Variants in SUPT3H observed in about 807,000 individuals in gnomAD.
SUPT3H encodes the protein transcription initiation protein SPT3 homolog.
In SUPT3H, 44 loss-of-function variants were observed where a neutral mutation model predicts 44.3. The observed-to-expected ratio is 0.99, with a 90% CI of 0.78 to 1.28. SUPT3H has a LOEUF of 1.28. Ranked by LOEUF, SUPT3H falls within the 50% of genes most tolerant of loss-of-function variation. The probability of loss-of-function intolerance (pLI) is 0.00; values close to 1 mark genes in which losing one functional copy is unlikely to be tolerated. For synonymous variants in SUPT3H, 124 were observed against 125.6 expected, an observed-to-expected ratio of 0.99 and a Z score of 0.09; for missense variants, 380 against 387.1, an observed-to-expected ratio of 0.98 and a Z score of 0.15.
intron 3 of SUPT3H, among the ~76,000 whole-genome samples, chr6:45,029,502 C>T (rs928239377): frequency 5.3e-5 from 8 of 151,766 alleles, no homozygotes; most frequent in Non-Finnish European, 1.0e-4. Flanking sequence ...AAGATAGCAG[C>T]CTTAACATGG....
intron 8 of SUPT3H, among the ~76,000 whole-genome samples, chr6:44,954,017 C>A (rs1582724016): frequency 6.6e-6 from 1 of 152,250 alleles, no homozygotes; most frequent in Non-Finnish European, 1.5e-5. Context: ...GGATTACAGG[C>A]AAGAGCCACC....
intron 3 of SUPT3H, among the ~76,000 whole-genome samples, chr6:45,094,675 A>C (rs1048942038): frequency 6.6e-6 from 1 of 152,030 alleles, no homozygotes; most frequent in African/African-American, 2.4e-5. Context: ...GTCAATAGTT[A>C]CTTATTATTT....
intron 2 of SUPT3H, among the ~76,000 whole-genome samples, chr6:45,179,991 C>T (rs1812823740): frequency 6.6e-6 from 1 of 152,018 alleles, no homozygotes; most frequent in African/African-American, 2.4e-5. Flanking sequence ...CCAGAATCTC[C>T]TTAAGCTGAT....
intron 10 of SUPT3H, among the ~76,000 whole-genome samples, chr6:44,832,829 A>C (rs996055101): frequency 5.3e-5 from 8 of 152,090 alleles, no homozygotes; most frequent in African/African-American, 1.9e-4. Flanking sequence ...ACTGTGGGGT[A>C]ATTAATTTCT....
intron 2 of SUPT3H, among the ~76,000 whole-genome samples, chr6:45,111,856 C>A (rs1270592938): frequency 6.6e-6 from 1 of 151,950 alleles, no homozygotes; most frequent in Non-Finnish European, 1.5e-5. Context: ...GAGATTTGAG[C>A]TCAGAAAAAT....
At chr6:45,343,633 T>A (rs771546229) in intron 2 of SUPT3H, among the ~76,000 whole-genome samples, 2 of 152,212 alleles carry the variant, frequency 1.3e-5, no homozygotes, top group African/African-American at 4.8e-5. Flanking sequence ...TTAAGTTGCA[T>A]AACAGTACGA....
chr6:45,142,574 T>C (rs1307274392), intron 2 of SUPT3H, among the ~76,000 whole-genome samples: 1 of 151,364 alleles, frequency 6.6e-6, no homozygotes, highest in Non-Finnish European at 1.5e-5. Context: ...CCGTCTCTAC[T>C]AAAAATACAA....
rs536157605 is a variant in SUPT3H, at chr6:44,904,625, C to T, written c.912+28028G>A. Among the ~76,000 whole-genome samples the T allele has an allele frequency of 2.2e-3, 329 of 152,272 alleles. 1 individual carries two copies. Among genetic ancestry groups the T allele is most frequent in the African/African-American group, 7.6e-3 (315 of 41,560 alleles). The stretch of plus-strand genomic sequence containing the variant: ...TAATTTATAGATTCAATGCCATCCC[C>T]ATCAAGCTACCAATGACTTTCTTCA... On this transcript the variant is annotated intron_variant, in intron 10 of 10. Transcript: ENST00000371459.
intron 2 of SUPT3H, among the ~76,000 whole-genome samples, chr6:45,155,502 T>C (rs573326841): frequency 6.6e-6 from 1 of 152,288 alleles, no homozygotes; most frequent in East Asian, 1.9e-4. Context: ...CTTTTAACAC[T>C]ACATTGTTAC....
chr6:45,029,388 CAT>C, intron 3 of SUPT3H, among the ~76,000 whole-genome samples: 1 of 147,986 alleles, frequency 6.8e-6, no homozygotes, highest in South Asian at 2.1e-4. Context: ...TGTGTGTGTA[CAT>C]ATATTGCATG....
chr6:45,072,090 C>A (rs987302078), intron 3 of SUPT3H, among the ~76,000 whole-genome samples: 1 of 152,190 alleles, frequency 6.6e-6, no homozygotes, highest in Non-Finnish European at 1.5e-5. Flanking sequence ...ATGATTACAA[C>A]AATGCTATGA....
At chr6:45,080,820 G>T (rs1795692823) in intron 3 of SUPT3H, among the ~76,000 whole-genome samples, 1 of 151,892 alleles carries the variant, frequency 6.6e-6, no homozygotes, top group Admixed American at 6.6e-5. Context: ...TGGTTAATGG[G>T]TACAAAAAAC....
chr6:45,149,648 T>C (rs1806602076), intron 2 of SUPT3H, among the ~76,000 whole-genome samples: 1 of 152,154 alleles, frequency 6.6e-6, no homozygotes, highest in Non-Finnish European at 1.5e-5. Context: ...CTCACATCAA[T>C]GTCTTTAAAT....
At chr6:45,256,633 C>A (rs954036731) in intron 2 of SUPT3H, among the ~76,000 whole-genome samples, 6 of 152,106 alleles carry the variant, frequency 3.9e-5, no homozygotes, top group Non-Finnish European at 8.8e-5. Context: ...CTCTAAGGAA[C>A]CACAAATCTG....
chr6:45,214,810 G>A (rs1357954614), intron 2 of SUPT3H, among the ~76,000 whole-genome samples: 1 of 152,166 alleles, frequency 6.6e-6, no homozygotes, highest in Non-Finnish European at 1.5e-5. Context: ...CATCATGGCA[G>A]TGCACTCCAA....
chr6:45,152,022 T>C (rs1009752449), intron 2 of SUPT3H, among the ~76,000 whole-genome samples: 1 of 152,158 alleles, frequency 6.6e-6, no homozygotes, highest in Non-Finnish European at 1.5e-5. Flanking sequence ...ACTTTCTAGG[T>C]GACCTCATCT....
intron 10 of SUPT3H, among the ~76,000 whole-genome samples, chr6:44,844,544 C>T (rs558701332): frequency 8.1e-4 from 124 of 152,254 alleles, no homozygotes; most frequent in Admixed American, 3.5e-3. Context: ...GAAGGGAACA[C>T]TCTTCAGCAA....
intron 10 of SUPT3H, among the ~76,000 whole-genome samples, chr6:44,919,522 G>A (rs1188909138): frequency 6.6e-6 from 1 of 150,758 alleles, no homozygotes; most frequent in Admixed American, 6.6e-5. Context: ...CCTTAACCAG[G>A]ATATCCCCCT....
At chr6:44,944,738 GGA>G (rs1773024806) in intron 9 of SUPT3H, among the ~76,000 whole-genome samples, 1 of 73,048 alleles carries the variant, frequency 1.4e-5, no homozygotes, top group Non-Finnish European at 2.6e-5. Context: ...CTCCAGCCTG[GGA>G]GACAAAGCAA....
Sources: allele counts gnomAD v4.1 joint callset (sites outside exome capture counted in the v4.1 genomes callset), GRCh38; gene constraint gnomAD v4.1.1; transcripts MANE v1.5; gene names NCBI Gene and HGNC (gene_info 2026-07-23, HGNC 2026-07-21).